Variants in RNF19B observed in about 807,000 individuals in gnomAD.
RNF19B encodes the protein E3 ubiquitin-protein ligase RNF19B.
In RNF19B, 23 loss-of-function variants were observed where a neutral mutation model predicts 65.5. The observed-to-expected ratio is 0.35, with a 90% confidence interval of 0.25 to 0.50. The LOEUF (loss-of-function observed/expected upper bound fraction) is 0.50, where lower values mean the gene tolerates loss of function less well. RNF19B is among the 20% of genes least tolerant of loss of function. RNF19B has a pLI of 0.98. For synonymous variants in RNF19B, 372 were observed against 379.6 expected (o/e 0.98, Z 0.23); for missense variants, 794 against 980.0 (o/e 0.81, Z 2.53).
In RNF19B at chr1:32,946,270, T is replaced by C. The variant is rs1642366127; in HGVS notation, c.1146+132A>G. 6 of 688,818 alleles carry C rather than the reference T, an allele frequency of 8.7e-6. No individual in the cohort carries two copies. In the South Asian group the frequency reaches 9.8e-5, roughly 11 times the overall value. The allele number at this position is 688,818 out of a possible 1,614,324, so 42.7% of individuals were successfully genotyped here. ...GTTTATGAAAATCCATTTAAGAAAG[T>C]AAGGTTATTTTTATCTAAGAACCAG... On this transcript the variant is annotated intron_variant, in intron 4 of 8. Transcript: ENST00000235150.
At chr1:32,932,279 T>C (rs368799933), downstream of RNF19B, among the ~76,000 whole-genome samples, 1 of 152,172 alleles carries the variant, frequency 6.6e-6, no homozygotes. Context: ...TATCGCAAAC[T>C]GCTATCTATG....
At chr1:32,949,537 TAAAG>T in intron 2 of RNF19B, 28 bp downstream of exon 2, 2 of 1,588,772 alleles carry the variant, frequency 1.3e-6, no homozygotes, top group Non-Finnish European at 1.7e-6. Flanking sequence ...AAATACCAAA[TAAAG>T]AGACAATGAG....
downstream of RNF19B, among the ~76,000 whole-genome samples, chr1:32,933,259 T>TA (rs1390638962): frequency 7.4e-5 from 8 of 108,576 alleles, no homozygotes; most frequent in Non-Finnish European, 1.1e-4. Flanking sequence ...TTATTATTAT[T>TA]TTTTTTTTTT....
chr1:32,964,263 C>T lies in RNF19B; in HGVS notation c.423G>A (p.Ser141=), dbSNP rs942975354. Residue 141 remains serine, a synonymous_variant, in exon 1 of 9, where the codon TCG becomes TCA. Coordinates refer to ENST00000235150, the MANE Select transcript of RNF19B (RefSeq NM_001300826.2). This position sits in a 1 kb window ranked among gnomAD's most constrained non-coding sequence, Gnocchi z 6.5. ...GGTAGTGGCGGAGGCAGTCCCGGCA[C>T]GAGCGGTGCGGACAGCTGAGGAGGC... The part of the protein sequence containing the change: ...APRLLSCPHR[S]CRDCLRHYLR... 6 of 1,540,280 alleles carry T rather than the reference C, an allele frequency of 3.9e-6. No individual in the cohort carries two copies. The African/African-American group carries it at 7.0e-5, about 18-fold the overall frequency.
chr1:32,932,535 GCATACGAAGGTA>G (rs1642039165), downstream of RNF19B, among the ~76,000 whole-genome samples: 1 of 152,176 alleles, frequency 6.6e-6, no homozygotes, highest in South Asian at 2.1e-4. Context: ...AGCCTCTGCA[GCATACGAAGGTA>G]CATTAGGTGA....
chr1:32,939,922 A>G (rs1642192521), intron 7 of RNF19B, among the ~76,000 whole-genome samples: 1 of 152,216 alleles, frequency 6.6e-6, no homozygotes, highest in Non-Finnish European at 1.5e-5. Flanking sequence ...ACAGCAGTGA[A>G]TATGCCAGCA....
chr1:32,931,389 A>G, the RNF19B span, among the ~76,000 whole-genome samples: 2 of 152,164 alleles, frequency 1.3e-5, no homozygotes, highest in Non-Finnish European at 2.9e-5. Flanking sequence ...GGACACGAGA[A>G]GTATTAGTAT....
At chr1:32,950,560 T>A (rs1400178215) in intron 1 of RNF19B, among the ~76,000 whole-genome samples, 5 of 152,058 alleles carry the variant, frequency 3.3e-5, no homozygotes, top group Non-Finnish European at 7.4e-5. Context: ...TCCTTCTTTT[T>A]TTTTTTTGAG....
chr1:32,935,883 G>A (rs953534136), downstream of RNF19B, among the ~76,000 whole-genome samples: 12 of 152,140 alleles, frequency 7.9e-5, no homozygotes, highest in Non-Finnish European at 1.5e-4. Context: ...GAGTAGCTGG[G>A]ATTACAGGCG....
chr1:32,944,281 C>T, intron 5 of RNF19B, 122 bp from the exon 6 acceptor site: 5 of 1,099,044 alleles, frequency 4.5e-6, no homozygotes, highest in Non-Finnish European at 6.4e-6. Context: ...AGTGGCTATC[C>T]CAAAAAGGTG....
Position 32,964,414 on chromosome 1 carries a change from T to C in RNF19B, c.272A>G (p.Glu91Gly). 3 of 1,259,714 alleles carry C rather than the reference T, an allele frequency of 2.4e-6. No homozygotes were observed. Among genetic ancestry groups the C allele is most frequent in the Non-Finnish European group, 3.0e-6 (3 of 1,004,942 alleles). The allele number at this position is 1,259,714 out of a possible 1,614,324, so 78.0% of individuals were successfully genotyped here. A position where few individuals can be genotyped will look rare whatever the true frequency, so the allele number is the denominator to read the frequency against. Residue 91 changes from glutamate (E) to glycine (G), a missense_variant, in exon 1 of 9, where the codon GAG (glutamate) becomes GGG (glycine). Physicochemically the swap from Glu to Gly is moderately conservative, Grantham distance 98. Coordinates refer to ENST00000235150, the MANE Select transcript of RNF19B (RefSeq NM_001300826.2). This position sits in a 1 kb window ranked among gnomAD's most constrained non-coding sequence, Gnocchi z 6.5. Reference sequence around the variant, plus strand: ...AGGCTCCGCCGCCGCCGCCGCGGCCTCCGCCTCGGCCTCGGCGGCCGGCTC... The same window carrying C: ...AGGCTCCGCCGCCGCCGCCGCGGCCCCCGCCTCGGCCTCGGCGGCCGGCTC... ...PAEPAAEAEA[E>G]AAAAAAEPGF...
intron 1 of RNF19B, among the ~76,000 whole-genome samples, chr1:32,950,529 A>C (rs1377938638): frequency 6.6e-6 from 1 of 152,118 alleles, no homozygotes. Flanking sequence ...CTATGGCAAA[A>C]ACTAAAGTTT....
chr1:32,947,447 G>C (rs1251516599), intron 3 of RNF19B, among the ~76,000 whole-genome samples: 4 of 152,148 alleles, frequency 2.6e-5, no homozygotes, highest in African/African-American at 9.7e-5. Flanking sequence ...ACCACCTGAG[G>C]TTCGAGTTCG....
At position 32,948,125 on chromosome 1, in the gene RNF19B, C is replaced by T. The variant is rs1394184029; in HGVS notation, c.983+97G>A. ...AGAAGTTTTCACAGCTTCCTTAAAC[C>T]TGTAATGAGAGAACGGATGTGTCTT... On this transcript the variant is annotated intron_variant, in intron 3 of 8. Transcript: ENST00000235150. 2.3e-6 allele frequency: 3 copies of T among 1,328,862 alleles called. No individual in the cohort carries two copies. In the East Asian group the frequency reaches 7.0e-5, roughly 31 times the overall value. 82.3% of individuals were successfully genotyped at this position (1,328,862 alleles called of 1,614,324 possible). A position where few individuals can be genotyped will look rare whatever the true frequency, so the allele number is the denominator to read the frequency against.
At position 32,936,618 on chromosome 1, in the gene RNF19B, G is replaced by A. The variant is rs185878371; in HGVS notation, c.*188C>T. 1.4e-3 allele frequency: 792 copies of A among 572,462 alleles called. No homozygotes were observed. Among genetic ancestry groups the A allele is most frequent in the Non-Finnish European group, 1.7e-3 (607 of 350,760 alleles). 35.5% of individuals were successfully genotyped at this position (572,462 alleles called of 1,614,324 possible). On this transcript the variant is annotated 3_prime_UTR_variant, in exon 9 of 9. Transcript: ENST00000235150. ...GGGAGGGGAGGGGAGGGGAACTAAC[G>A]GCAAACTTTTCATGTTTTATCTGGT...
At chr1:32,935,938 G>A (rs1366877077), downstream of RNF19B, among the ~76,000 whole-genome samples, 5 of 152,098 alleles carry the variant, frequency 3.3e-5, no homozygotes, top group Non-Finnish European at 4.4e-5. Flanking sequence ...TAATAGAGGC[G>A]TGGTTTCACC....
At chr1:32,929,858 C>G in the RNF19B span, among the ~76,000 whole-genome samples, 4 of 152,160 alleles carry the variant, frequency 2.6e-5, no homozygotes, top group African/African-American at 4.8e-5. Flanking sequence ...CCCTTGGCCA[C>G]TGGCACTGCA....
At chr1:32,940,252 G>A (rs924649925) in intron 7 of RNF19B, among the ~76,000 whole-genome samples, 1 of 152,162 alleles carries the variant, frequency 6.6e-6, no homozygotes, top group Admixed American at 6.5e-5. Flanking sequence ...GGCTGTGCTA[G>A]AATTACCTGG....
rs772058503 is a variant in RNF19B at position 32,946,493 on chromosome 1, G to A, written c.1055C>T (p.Thr352Met). The A allele has an allele frequency of 1.4e-5, 23 of 1,614,006 alleles. No homozygotes were observed. Among genetic ancestry groups the A allele is most frequent in the Non-Finnish European group, 1.8e-5 (21 of 1,179,932 alleles). ...RKKKILWQLG[T>M]LIGAPVGISL... is the part of the protein sequence containing the mutation. ...AATCCCCACTGGAGCACCAATCAAC[G>A]TGCCCAGCTGCCAAAGAATTTTCTT... The change falls in exon 4 of 9, where the codon ACG becomes ATG. Residue 352 changes from threonine to methionine, a missense_variant. Thr to Met is a moderately conservative substitution (Grantham distance 81). This residue lies in a region of RNF19B where 52 missense variants were observed against 108.8 expected (regional missense o/e 0.48). Coordinates refer to ENST00000235150, the MANE Select transcript of RNF19B (RefSeq NM_001300826.2).
Sources: allele counts gnomAD v4.1 joint callset (sites outside exome capture counted in the v4.1 genomes callset), GRCh38; gene constraint gnomAD v4.1.1; regional missense constraint gnomAD v4.1.1; non-coding constraint Gnocchi (gnomAD v3.1); transcripts MANE v1.5; gene names NCBI Gene and HGNC (gene_info 2026-07-23, HGNC 2026-07-21).